FAM186A: variants seen among roughly 807,000 people sequenced by gnomAD.
The protein encoded by FAM186A is family with sequence similarity 186 member A.
In FAM186A, 163 loss-of-function variants were observed where a neutral mutation model predicts 216.8. The observed-to-expected ratio is 0.75, with a 90% confidence interval of 0.66 to 0.86. The LOEUF (loss-of-function observed/expected upper bound fraction) is 0.86, where lower values mean the gene tolerates loss of function less well. FAM186A is among the 40% of genes least tolerant of loss of function. FAM186A has a pLI of 0.00. For synonymous variants in FAM186A, 805 were observed against 1,025.3 expected (o/e 0.79, Z 4.10); for missense variants, 2,184 against 2,746.2 (o/e 0.80, Z 4.58).
intron 1 of FAM186A, chr12:50,365,625 G>A (rs578012252): frequency 5.3e-5 from 32 of 599,396 alleles, no homozygotes; most frequent in African/African-American, 4.0e-4. Flanking sequence ...CCCTTTTGCC[G>A]CCATCTCCAA....
chr12:50,330,435 A>T (rs1378332412), intron 7 of FAM186A, 138 bp downstream of exon 7: 4 of 797,328 alleles, frequency 5.0e-6, no homozygotes, highest in Non-Finnish European at 7.8e-6. Context: ...CTATTTTATG[A>T]CTGGTGTGAG....
Position 50,355,101 on chromosome 12 carries a change from C to G in FAM186A, c.1731G>C (p.Glu577Asp), listed in dbSNP as rs78724690. 7.4e-4 allele frequency: 1,147 copies of G among 1,551,660 alleles called. 5 individuals carry two copies. In the African/African-American group the frequency reaches 0.014, roughly 19 times the overall value. The change falls in exon 4 of 8, where the codon GAG becomes GAC. Residue 577 changes from glutamate (E) to aspartate (D), a missense_variant. This residue lies in a region of FAM186A where 1,132 missense variants were observed against 1,263.4 expected (regional missense o/e 0.90). Coordinates refer to ENST00000327337, the MANE Select transcript of FAM186A (RefSeq NM_001145475.3). ...CTAGGCTTCTAATTTCACCTTTGCC[C>G]TCTTTGTCCAATGACTCAGTGGTGG... ...VEPTTESLDK[E>D]GKGEIRSLVE...
At chr12:50,371,014 G>A (rs904878998) in intron 1 of FAM186A, among the ~76,000 whole-genome samples, 5 of 151,912 alleles carry the variant, frequency 3.3e-5, no homozygotes, top group Admixed American at 1.3e-4. Flanking sequence ...CAGAAGAATC[G>A]CTTGAACCCA....
intron 1 of FAM186A, among the ~76,000 whole-genome samples, chr12:50,390,118 C>T (rs1363908935): frequency 6.6e-6 from 1 of 152,146 alleles, no homozygotes; most frequent in East Asian, 1.9e-4. Context: ...ACACTAGTTT[C>T]ACTGTGAGAT....
chr12:50,368,859 A>C, intron 1 of FAM186A, among the ~76,000 whole-genome samples: 1 of 152,138 alleles, frequency 6.6e-6, no homozygotes, highest in East Asian at 1.9e-4. Context: ...CCCATAAATA[A>C]ACACCAAGTT....
At chr12:50,393,961 C>G (rs767868160) in intron 1 of FAM186A, among the ~76,000 whole-genome samples, 8 of 152,098 alleles carry the variant, frequency 5.3e-5, no homozygotes, top group Non-Finnish European at 1.0e-4. Flanking sequence ...CTCTGTCACC[C>G]AGGCTGGAGT....
chr12:50,339,634 G>T (rs1226593487), intron 4 of FAM186A, among the ~76,000 whole-genome samples: 1 of 152,006 alleles, frequency 6.6e-6, no homozygotes, highest in Non-Finnish European at 1.5e-5. Context: ...TCCTTAGCAT[G>T]TGATTTAGGA....
At chr12:50,374,750 C>T (rs1943181482) in intron 1 of FAM186A, among the ~76,000 whole-genome samples, 1 of 152,158 alleles carries the variant, frequency 6.6e-6, no homozygotes, top group African/African-American at 2.4e-5. Context: ...ATCACTTCTG[C>T]TCAACATTGG....
At chr12:50,341,361 C>T (rs1386932719) in intron 4 of FAM186A, among the ~76,000 whole-genome samples, 1 of 152,024 alleles carries the variant, frequency 6.6e-6, no homozygotes, top group Non-Finnish European at 1.5e-5. Flanking sequence ...TTGCATCTGT[C>T]TGTGATTTTG....
At chr12:50,333,512 G>A (rs1376114086) in intron 5 of FAM186A, among the ~76,000 whole-genome samples, 2 of 151,850 alleles carry the variant, frequency 1.3e-5, no homozygotes, top group Non-Finnish European at 2.9e-5. Context: ...CTGGGAGACA[G>A]AGCAAGACTG....
rs534120315 is a variant in FAM186A at position 50,353,762 on chromosome 12, A to G, written c.3070T>C (p.Tyr1024His). The change falls in exon 4 of 8, where the codon TAT becomes CAT. Residue 1024 changes from tyrosine to histidine, a missense_variant. Transcript: ENST00000327337. ...KSVLKDVQRS[Y>H]EGKEFQRNLK... ...TTCCTCTGAAACTCTTTTCCTTCATATGACCGCTGTACATCTTTCAATACA... is the reference window on the plus strand; with the variant it reads ...TTCCTCTGAAACTCTTTTCCTTCATGTGACCGCTGTACATCTTTCAATACA... 328 of 1,551,066 alleles carry G rather than the reference A, an allele frequency of 2.1e-4. 3 individuals carry two copies. In the East Asian group the frequency reaches 7.2e-3, roughly 34 times the overall value.
chr12:50,379,604 T>C (rs1438444206), intron 1 of FAM186A, among the ~76,000 whole-genome samples: 1 of 151,092 alleles, frequency 6.6e-6, no homozygotes, highest in Non-Finnish European at 1.5e-5. Context: ...CTGATCAACA[T>C]GGAGAAACCC....
intron 1 of FAM186A, among the ~76,000 whole-genome samples, chr12:50,376,876 G>A (rs1233858890): frequency 6.6e-6 from 1 of 151,966 alleles, no homozygotes; most frequent in East Asian, 1.9e-4. Flanking sequence ...AAGTAGCTGG[G>A]ACTACAGACG....
intron 5 of FAM186A, among the ~76,000 whole-genome samples, chr12:50,333,295 G>T (rs1165648854): frequency 6.6e-6 from 1 of 152,098 alleles, no homozygotes; most frequent in Non-Finnish European, 1.5e-5. Flanking sequence ...ACTTTGGGAG[G>T]TTGAGGCGGG....
In FAM186A at chr12:50,392,216, C is replaced by T. The variant is rs140121895; in HGVS notation, c.192+4077G>A. Among the ~76,000 whole-genome samples the T allele has an allele frequency of 9.2e-3, 1,394 of 152,150 alleles. 78 individuals are homozygous for T. The highest frequency in any genetic ancestry group is 0.086 in the Admixed American group (1,310 of 15,196). On this transcript the variant is annotated intron_variant, in intron 1 of 7. Coordinates refer to ENST00000327337, the MANE Select transcript of FAM186A (RefSeq NM_001145475.3). ...TGAAGAAACTTTTGGGGGAAATGGG[C>T]AAAATCATTATGTCGATGTGGTGAA...
chr12:50,373,322 G>A (rs990815468), intron 1 of FAM186A, among the ~76,000 whole-genome samples: 6 of 152,032 alleles, frequency 3.9e-5, no homozygotes, highest in South Asian at 4.2e-4. Context: ...GCTCAAACCC[G>A]GCAGGCAGAG....
At chr12:50,391,476 C>G (rs565518618) in intron 1 of FAM186A, among the ~76,000 whole-genome samples, 1 of 146,822 alleles carries the variant, frequency 6.8e-6, no homozygotes, top group Non-Finnish European at 1.5e-5. Context: ...CCACCATGCC[C>G]GGCTAATTTT....
intron 1 of FAM186A, chr12:50,365,701 G>C (rs1226466671): frequency 6.7e-6 from 5 of 742,468 alleles, no homozygotes. Flanking sequence ...AATCACAAAA[G>C]GCATTTCAAT....
At chr12:50,346,137 C>A (rs1284365692) in intron 4 of FAM186A, among the ~76,000 whole-genome samples, 3 of 145,160 alleles carry the variant, frequency 2.1e-5, no homozygotes, top group African/African-American at 7.7e-5. Context: ...CACCACTGCA[C>A]TCCAGCTGGG....
Sources: gnomAD v4.1 joint callset for allele counts (sites outside exome capture counted in the v4.1 genomes callset) on GRCh38, gnomAD v4.1.1 for gene constraint, gnomAD v4.1.1 regional missense constraint, MANE v1.5 for transcripts, NCBI Gene and HGNC (gene_info 2026-07-23, HGNC 2026-07-21) for gene names.